CHDH: variants seen among roughly 807,000 people sequenced by gnomAD.
CHDH encodes the protein choline dehydrogenase, mitochondrial.
A neutral mutation model predicts 56.9 loss-of-function variants in CHDH; 43 were observed. The observed-to-expected ratio is 0.76, with a 90% CI of 0.59 to 0.97. The LOEUF is 0.97. CHDH is among the 50% of genes least tolerant of loss of function. The pLI is 0.00. For synonymous variants in CHDH, 364 were observed against 348.5 expected, an observed-to-expected ratio of 1.04 and a Z score of -0.50; for missense variants, 816 against 821.1, an observed-to-expected ratio of 0.99 and a Z score of 0.08.
In CHDH at chr3:53,823,462, C is replaced by T. The variant is rs1394454363; in HGVS notation, c.547G>A (p.Ala183Thr). 7 of 1,555,802 alleles carry T rather than the reference C, an allele frequency of 4.5e-6. No homozygotes were observed. Among genetic ancestry groups the T allele is most frequent in the East Asian group, 4.8e-5 (2 of 41,270 alleles). The change falls in exon 3 of 9, where the codon GCC becomes ACC. Residue 183 changes from alanine to threonine, a missense_variant. By Grantham distance (58) the Ala-to-Thr change is moderately conservative (BLOSUM62 0). Coordinates refer to ENST00000315251, the MANE Select transcript of CHDH (RefSeq NM_018397.5). ...CGGGACACCCGCAGCGGGCCATCGG[C>T]GCCCCGGTACCGGCTGGCGCCCAGC... Reference protein sequence around the residue: ...HELGASRYRGADGPLRVSRGK... With the variant: ...HELGASRYRGTDGPLRVSRGK...
intron 3 of CHDH, among the ~76,000 whole-genome samples, 196 bp from the exon 4 acceptor site, chr3:53,822,838 G>A (rs1369615640): frequency 6.6e-6 from 1 of 152,184 alleles, no homozygotes; most frequent in Non-Finnish European, 1.5e-5. Flanking sequence ...TCCCCTGGAG[G>A]CAGGTGGAAA....
chr3:53,843,487 G>T (rs1040722910), intron 1 of CHDH, among the ~76,000 whole-genome samples: 2 of 152,026 alleles, frequency 1.3e-5, no homozygotes, highest in African/African-American at 4.8e-5. Flanking sequence ...CTAGGGTCTG[G>T]GTCAGGGCCA....
Position 53,819,746 on chromosome 3 carries a change from C to T in CHDH, c.1121-72G>A, listed in dbSNP as rs1387237438. The T allele has an allele frequency of 1.4e-6, 2 of 1,463,210 alleles. No homozygotes were observed. Among genetic ancestry groups the T allele is most frequent in the African/African-American group, 2.8e-5 (2 of 70,258 alleles). 90.6% of individuals were successfully genotyped at this position (1,463,210 alleles called of 1,614,324 possible). A position where few individuals can be genotyped will look rare whatever the true frequency, so the allele number is the denominator to read the frequency against. ...CAGGTGGGCCGGCTGCTCCTGGTTT[C>T]CCTCCTTTCTCCTGGCCGCTCCTCT... On this transcript the variant is annotated intron_variant, in intron 6 of 8. Transcript: ENST00000315251. The surrounding 1 kb of genome is among the most constrained non-coding windows in gnomAD (Gnocchi z 5.4).
intron 2 of CHDH, among the ~76,000 whole-genome samples, chr3:53,830,918 T>C (rs140175924): frequency 6.7e-6 from 1 of 150,116 alleles, no homozygotes; most frequent in African/African-American, 2.5e-5. Flanking sequence ...CAACCAAAAA[T>C]CAGGCACCAG....
chr3:53,834,058 G>C (rs1256014919), intron 2 of CHDH, among the ~76,000 whole-genome samples: 1 of 152,142 alleles, frequency 6.6e-6, no homozygotes, highest in African/African-American at 2.4e-5. Flanking sequence ...CAAACATGGG[G>C]GCCACCACGT....
rs1342629427 is a variant in CHDH at position 53,812,565 on chromosome 3, G to GGT, written c.*5211_*5212insAC. The GGT allele has an allele frequency of 1.9e-4, 25 of 128,554 alleles. No homozygotes were observed. Among genetic ancestry groups the GGT allele is most frequent in the African/African-American group, 9.2e-4 (25 of 27,316 alleles). 8.0% of individuals were successfully genotyped at this position (128,554 alleles called of 1,614,324 possible). The stretch of plus-strand genomic sequence containing the variant: ...ATGGGTTGCAACTGTCTTTGGTTTT[G>GGT]TTTGTTTGACTTGAACCACCCTCTG... On this transcript the variant is annotated 3_prime_UTR_variant, in exon 9 of 9. Transcript: ENST00000315251.
intron 2 of CHDH, among the ~76,000 whole-genome samples, chr3:53,831,377 G>A (rs958769448): frequency 2.6e-5 from 4 of 152,222 alleles, no homozygotes; most frequent in Non-Finnish European, 4.4e-5. Context: ...TGGCTTCACC[G>A]CTGGCTAACT....
Position 53,819,242 on chromosome 3 carries a change from A to G in CHDH, c.1264-202T>C, listed in dbSNP as rs182686405. Among the ~76,000 whole-genome samples the G allele has an allele frequency of 2.6e-5, 4 of 152,266 alleles. No individual in the cohort carries two copies. Among genetic ancestry groups the G allele is most frequent in the African/African-American group, 9.6e-5 (4 of 41,534 alleles). On this transcript the variant is annotated intron_variant, in intron 7 of 8. Transcript: ENST00000315251. The surrounding 1 kb of genome is among the most constrained non-coding windows in gnomAD (Gnocchi z 5.4). ...GGAATCACTCTTTCATCCTGGCCTC[A>G]TACTCCATGGCTCAAAGCTTTCAGA...
chr3:53,832,453 A>G (rs1272973869), intron 2 of CHDH, among the ~76,000 whole-genome samples: 1 of 152,028 alleles, frequency 6.6e-6, no homozygotes, highest in Non-Finnish European at 1.5e-5. Flanking sequence ...AATGGTGTGA[A>G]CCCAGGAGGC....
chr3:53,820,667 A>G (rs1288982504), intron 5 of CHDH, 59 bp from the exon 6 acceptor site: 10 of 1,569,140 alleles, frequency 6.4e-6, no homozygotes, highest in Non-Finnish European at 6.9e-6. Context: ...CTGCTTCTCA[A>G]TATCCCCCCG....
intron 2 of CHDH, among the ~76,000 whole-genome samples, chr3:53,828,231 C>T (rs1326370744): frequency 1.3e-5 from 2 of 151,424 alleles, no homozygotes; most frequent in Non-Finnish European, 2.9e-5. Flanking sequence ...TTATACCCTG[C>T]ACAAAAATTA....
rs577727607 is a variant in CHDH at position 53,820,959 on chromosome 3, G to A, written c.986-351C>T. Among the ~76,000 whole-genome samples the A allele has an allele frequency of 1.4e-4, 21 of 152,384 alleles. No individual in the cohort carries two copies. In the East Asian group the frequency reaches 3.5e-3, roughly 25 times the overall value. On this transcript the variant is annotated intron_variant, in intron 5 of 8. Coordinates refer to ENST00000315251, the MANE Select transcript of CHDH (RefSeq NM_018397.5). ...AGCGGTTGCTGGATGGTGATGGCCA[G>A]AGGGGCAGACAGCAGCCCCACCCTC... is the stretch of plus-strand genomic sequence containing the variant.
Position 53,814,036 on chromosome 3 carries a change from C to G in CHDH, c.*3741G>C, listed in dbSNP as rs1286555658. 6.6e-6 allele frequency: 1 copy of G among 152,170 alleles called. No homozygotes were observed. Among genetic ancestry groups the G allele is most frequent in the Non-Finnish European group, 1.5e-5 (1 of 68,056 alleles). 9.4% of individuals were successfully genotyped at this position (152,170 alleles called of 1,614,324 possible). A position where few individuals can be genotyped will look rare whatever the true frequency, so the allele number is the denominator to read the frequency against. ...CTTCACCATGTGGCACTTTCCAGCT[C>G]TATCCTACGAAGTTTCAGAATTGGG... is the stretch of plus-strand genomic sequence containing the variant. On this transcript the variant is annotated 3_prime_UTR_variant, in exon 9 of 9. Transcript: ENST00000315251.
intron 1 of CHDH, among the ~76,000 whole-genome samples, chr3:53,843,122 G>T (rs6445607): frequency 0.66 from 98,698 of 150,640 alleles, 32,571 homozygotes; most frequent in South Asian, 0.74. Flanking sequence ...AGCAAAGGTC[G>T]GAATAACAAT....
At chr3:53,830,577 A>T (rs1469558936) in intron 2 of CHDH, among the ~76,000 whole-genome samples, 1 of 152,170 alleles carries the variant, frequency 6.6e-6, no homozygotes, top group Admixed American at 6.5e-5. Flanking sequence ...CTCAGATTTC[A>T]ATAATGGACA....
intron 1 of CHDH, among the ~76,000 whole-genome samples, chr3:53,843,431 G>A (rs1283362066): frequency 1.3e-5 from 2 of 152,106 alleles, no homozygotes; most frequent in African/African-American, 2.4e-5. Context: ...TGGTCTGGAA[G>A]CCAGGCATCT....
chr3:53,813,077 A>ATAGG lies in CHDH; in HGVS notation c.*4696_*4699dup, dbSNP rs1244758106. The ATAGG allele has an allele frequency of 6.6e-6, 1 of 151,570 alleles. No individual in the cohort carries two copies. The highest frequency in any genetic ancestry group is 1.5e-5 in the Non-Finnish European group (1 of 67,952). The allele number at this position is 151,570 out of a possible 1,614,324, so 9.4% of individuals were successfully genotyped here. Reference sequence around the variant, plus strand: ...TTCCCTGCAATCAAAAAGATAGATGATAGGTAGCAATTTTGGTCCAAAATT... The same window carrying ATAGG: ...TTCCCTGCAATCAAAAAGATAGATGATAGGTAGGTAGCAATTTTGGTCCAAAATT... On this transcript the variant is annotated 3_prime_UTR_variant, in exon 9 of 9. Coordinates refer to ENST00000315251, the MANE Select transcript of CHDH (RefSeq NM_018397.5).
chr3:53,817,603 G>C lies in CHDH; in HGVS notation c.*174C>G, dbSNP rs1406323410. ...CTGGGGAAAAGGAGCTGGATTCACTGCCCAGTACTTGTCTCATTTCCCAAG... is the reference window on the plus strand; with the variant it reads ...CTGGGGAAAAGGAGCTGGATTCACTCCCCAGTACTTGTCTCATTTCCCAAG... On this transcript the variant is annotated 3_prime_UTR_variant, in exon 9 of 9. Coordinates refer to ENST00000315251, the MANE Select transcript of CHDH (RefSeq NM_018397.5). The C allele has an allele frequency of 1.7e-6, 1 of 605,180 alleles. No homozygotes were observed. The highest frequency in any genetic ancestry group is 2.9e-6 in the Non-Finnish European group (1 of 348,202). The allele number at this position is 605,180 out of a possible 1,614,324, so 37.5% of individuals were successfully genotyped here.
chr3:53,846,342 G>C lies in CHDH; in HGVS notation c.-390C>G. 2.2e-6 allele frequency: 1 copy of C among 450,896 alleles called. No homozygotes were observed. The highest frequency in any genetic ancestry group is 4.1e-5 in the South Asian group (1 of 24,192). The allele number at this position is 450,896 out of a possible 1,614,324, so 27.9% of individuals were successfully genotyped here. A position where few individuals can be genotyped will look rare whatever the true frequency, so the allele number is the denominator to read the frequency against. On this transcript the variant is annotated 5_prime_UTR_variant, in exon 1 of 9. Transcript: ENST00000315251. The stretch of plus-strand genomic sequence containing the variant: ...GCTCACTGCATGCACGTGTGCGCGG[G>C]GGTAGGCGCGCGCCGCGGCGGCCCG...
Sources: allele counts gnomAD v4.1 joint callset (sites outside exome capture counted in the v4.1 genomes callset), GRCh38; gene constraint gnomAD v4.1.1; non-coding constraint Gnocchi (gnomAD v3.1); transcripts MANE v1.5; gene names NCBI Gene and HGNC (gene_info 2026-07-23, HGNC 2026-07-21).